The following CDKAL1 variants were observed in gnomAD, a reference collection of about 807,000 sequenced individuals.
CDKAL1 encodes threonylcarbamoyladenosine tRNA methylthiotransferase.
A neutral mutation model predicts 68.2 loss-of-function variants in CDKAL1; 32 were observed. The ratio of observed to expected loss-of-function variants is 0.47; its 90% CI spans 0.35 to 0.63. The LOEUF is 0.63. Ranked by LOEUF, CDKAL1 falls within the 30% of genes least tolerant of loss-of-function variation. CDKAL1 has a pLI of 0.00. For synonymous variants in CDKAL1, 234 were observed against 244.3 expected, an observed-to-expected ratio of 0.96 and a Z score of 0.39; for missense variants, 606 against 696.7, an observed-to-expected ratio of 0.87 and a Z score of 1.47.
intron 9 of CDKAL1, among the ~76,000 whole-genome samples, chr6:20,860,843 T>G (rs1759580225): frequency 6.6e-6 from 1 of 151,600 alleles, no homozygotes; most frequent in Admixed American, 6.6e-5. Context: ...AAATACTTGC[T>G]GAATGAATAC....
chr6:20,710,212 T>C (rs1255573153), intron 5 of CDKAL1, among the ~76,000 whole-genome samples: 1 of 152,208 alleles, frequency 6.6e-6, no homozygotes, highest in Non-Finnish European at 1.5e-5. Flanking sequence ...TTCATCTTCC[T>C]AAATTTAGTA....
chr6:21,106,453 G>A (rs533915047), intron 12 of CDKAL1, among the ~76,000 whole-genome samples: 63 of 152,252 alleles, frequency 4.1e-4, no homozygotes, highest in Non-Finnish European at 7.6e-4. Context: ...GGTGTCTCAC[G>A]CCTGTAATCC....
At chr6:20,809,451 A>AT (rs1394726381) in intron 8 of CDKAL1, among the ~76,000 whole-genome samples, 1 of 152,134 alleles carries the variant, frequency 6.6e-6, no homozygotes, top group Non-Finnish European at 1.5e-5. Flanking sequence ...CAGAGGTATC[A>AT]TTTTTTGTAA....
Position 21,160,636 on chromosome 6 carries a change from GAC to G in CDKAL1, c.1300-37366_1300-37365del, listed in dbSNP as rs70993208. On this transcript the variant is annotated intron_variant, in intron 13 of 15. Coordinates refer to ENST00000274695, the MANE Select transcript of CDKAL1 (RefSeq NM_017774.3). ...TTATTCACTGTAATTTTTGGACACA[GAC>G]ACACACACACACACACACGTGTGTG... Among the ~76,000 whole-genome samples, 226 of 123,304 alleles carry G rather than the reference GAC, an allele frequency of 1.8e-3. 1 individual carries two copies. The highest frequency in any genetic ancestry group is 4.3e-3 in the African/African-American group (142 of 33,280). 80.9% of individuals were successfully genotyped at this position (123,304 alleles called of 152,430 possible).
intron 10 of CDKAL1, among the ~76,000 whole-genome samples, chr6:20,992,637 T>C (rs937849943): frequency 5.3e-5 from 8 of 152,104 alleles, no homozygotes; most frequent in South Asian, 2.1e-4. Context: ...GTTGCTGATA[T>C]CTGTAATACC....
intron 9 of CDKAL1, among the ~76,000 whole-genome samples, chr6:20,848,841 G>A (rs1469967175): frequency 6.7e-6 from 1 of 149,212 alleles, no homozygotes; most frequent in African/African-American, 2.5e-5. Context: ...CACCCAGGCT[G>A]CAGTGTCATG....
chr6:21,192,863 A>C (rs1364057641), intron 13 of CDKAL1, among the ~76,000 whole-genome samples: 1 of 146,724 alleles, frequency 6.8e-6, no homozygotes, highest in Non-Finnish European at 1.5e-5. Context: ...CTCCCAGGCT[A>C]GAATGCAGCT....
chr6:20,979,476 A>G (rs752514445), intron 10 of CDKAL1, among the ~76,000 whole-genome samples: 3 of 152,134 alleles, frequency 2.0e-5, no homozygotes, highest in Non-Finnish European at 4.4e-5. Context: ...ATTGCATTCT[A>G]GAGTGAGGAT....
At chr6:20,559,639 A>G (rs1764193176) in intron 4 of CDKAL1, 1 of 152,176 alleles carries the variant, frequency 6.6e-6, no homozygotes, top group Non-Finnish European at 1.5e-5. Flanking sequence ...GTGTAATTGT[A>G]TTAATTTTTG....
At chr6:21,156,458 G>T (rs930983098) in intron 13 of CDKAL1, among the ~76,000 whole-genome samples, 1 of 150,414 alleles carries the variant, frequency 6.6e-6, no homozygotes, top group African/African-American at 2.4e-5. Flanking sequence ...AATAAGACTG[G>T]TAAAATATAC....
chr6:20,953,350 A>G (rs1042623193), intron 9 of CDKAL1, among the ~76,000 whole-genome samples: 2 of 152,230 alleles, frequency 1.3e-5, no homozygotes, highest in African/African-American at 4.8e-5. Flanking sequence ...GCACTGTTCC[A>G]GGAACCCACA....
At chr6:20,730,255 G>T (rs907996687) in intron 5 of CDKAL1, among the ~76,000 whole-genome samples, 4 of 151,472 alleles carry the variant, frequency 2.6e-5, no homozygotes, top group Admixed American at 1.3e-4. Context: ...AACCTGGGAG[G>T]TGGAGGTTTC....
chr6:21,197,073 G>A (rs1467982406), intron 13 of CDKAL1, among the ~76,000 whole-genome samples: 2 of 151,824 alleles, frequency 1.3e-5, no homozygotes, highest in East Asian at 1.9e-4. Flanking sequence ...CAGAAGAATC[G>A]TTTGAACCCG....
intron 12 of CDKAL1, among the ~76,000 whole-genome samples, chr6:21,085,103 C>T (rs1772621696): frequency 6.6e-6 from 1 of 152,150 alleles, no homozygotes; most frequent in South Asian, 2.1e-4. Flanking sequence ...CATTAGCAGC[C>T]AGAGTTATCC....
intron 4 of CDKAL1, among the ~76,000 whole-genome samples, chr6:20,601,641 A>G (rs978848846): frequency 6.6e-6 from 1 of 152,180 alleles, no homozygotes; most frequent in African/African-American, 2.4e-5. Flanking sequence ...GACCAAGCAT[A>G]GGTATACTAA....
intron 12 of CDKAL1, among the ~76,000 whole-genome samples, chr6:21,096,699 A>C (rs114047183): frequency 0.02 from 3,016 of 152,280 alleles, 46 homozygotes; most frequent in Non-Finnish European, 0.031. Context: ...CAAATGGTAA[A>C]AAATAAATAA....
Position 20,617,960 on chromosome 6 carries a change from A to G in CDKAL1, c.287-31333A>G, listed in dbSNP as rs372879879. ...TAATGGGATCGCTGGGTCAAACAAT[A>G]TCTCCAGTTCTAGATCCTTGAGGAA... On this transcript the variant is annotated intron_variant, in intron 4 of 15. Coordinates refer to ENST00000274695, the MANE Select transcript of CDKAL1 (RefSeq NM_017774.3). 2.6e-5 allele frequency among the ~76,000 whole-genome samples: 4 copies of G among 152,166 alleles called. No homozygotes were observed. In the South Asian group the frequency reaches 6.2e-4, roughly 24 times the overall value.
At chr6:20,785,068 A>G (rs1055669330) in intron 8 of CDKAL1, among the ~76,000 whole-genome samples, 1 of 152,086 alleles carries the variant, frequency 6.6e-6, no homozygotes, top group African/African-American at 2.4e-5. Context: ...CATCACTCTC[A>G]TCCTCTTGTA....
intron 12 of CDKAL1, among the ~76,000 whole-genome samples, chr6:21,097,770 T>C (rs539416559): frequency 6.6e-5 from 10 of 152,344 alleles, no homozygotes; most frequent in African/African-American, 1.9e-4. Context: ...ATGCCTCGAA[T>C]ATAAATTGAC....
Sources: gnomAD v4.1 joint callset for allele counts (sites outside exome capture counted in the v4.1 genomes callset) on GRCh38, gnomAD v4.1.1 for gene constraint, MANE v1.5 for transcripts, NCBI Gene and HGNC (gene_info 2026-07-23, HGNC 2026-07-21) for gene names.